FBRSL1: variants seen among roughly 807,000 people sequenced by gnomAD.
FBRSL1 encodes fibrosin like 1.
FBRSL1 carries 51 observed loss-of-function variants against 89.6 expected under a neutral mutation model. That is an observed-to-expected ratio of 0.57 (90% CI 0.45 to 0.72). FBRSL1 has a LOEUF of 0.72. Among genes scored for constraint, FBRSL1 ranks in the 30% least tolerant of loss-of-function variants. The probability of loss-of-function intolerance (pLI) is 0.00; values close to 1 mark genes in which losing one functional copy is unlikely to be tolerated. For missense variants in FBRSL1, 1,618 were observed against 1,451.8 expected, an observed-to-expected ratio of 1.11 and a Z score of -1.86; for synonymous variants, 779 against 681.1, an observed-to-expected ratio of 1.14 and a Z score of -2.24.
At chr12:132,536,925 A>C (rs1414021023) in intron 4 of FBRSL1, among the ~76,000 whole-genome samples, 1 of 152,230 alleles carries the variant, frequency 6.6e-6, no homozygotes, top group Non-Finnish European at 1.5e-5. Context: ...GCATGCATGT[A>C]TATGTGATCA....
intron 1 of FBRSL1, among the ~76,000 whole-genome samples, chr12:132,501,369 G>A (rs1038769344): frequency 2.3e-4 from 35 of 152,294 alleles, no homozygotes; most frequent in African/African-American, 8.4e-4. Flanking sequence ...GGCCCGGGCC[G>A]CCCTCCCCAT....
At chr12:132,576,701 C>G in intron 14 of FBRSL1, 98 bp from the exon 15 acceptor site, 1 of 1,368,660 alleles carries the variant, frequency 7.3e-7, no homozygotes, top group Admixed American at 2.6e-5. Context: ...CCTTACTGGA[C>G]TGGCTCACAC....
chr12:132,564,828 A>C (rs1014644401), intron 5 of FBRSL1, among the ~76,000 whole-genome samples: 4 of 150,010 alleles, frequency 2.7e-5, no homozygotes, highest in African/African-American at 9.9e-5. Context: ...ACGGGGTTTC[A>C]CCGTGTTGGC....
intron 2 of FBRSL1, chr12:132,509,590 T>TGCGGTCCCTCCTGGCCCC: frequency 8.1e-7 from 1 of 1,232,012 alleles, no homozygotes; most frequent in Non-Finnish European, 1.0e-6. Flanking sequence ...TGCCGGCGCC[T>TGCGGTCCCTCCTGGCCCC]GCGGTCCCTC....
At chr12:132,521,757 C>T (rs1293413760) in intron 2 of FBRSL1, among the ~76,000 whole-genome samples, 1 of 152,324 alleles carries the variant, frequency 6.6e-6, no homozygotes, top group East Asian at 1.9e-4. Context: ...CCATTCCCAC[C>T]GTGCCGTATG....
rs146675292 is a variant in FBRSL1 at position 132,579,833 on chromosome 12, G to A, written c.1835-1606G>A. On this transcript the variant is annotated intron_variant, in intron 15 of 18. Transcript: ENST00000680143. ...TCCTCACTGCCTTCAAGGCTTGGAG[G>A]CTCACAGTTCAGGTTCCAAGTACTG... is the stretch of plus-strand genomic sequence containing the variant. 3.5e-3 allele frequency among the ~76,000 whole-genome samples: 533 copies of A among 152,320 alleles called. 3 individuals are homozygous for A. The highest frequency in any genetic ancestry group is 0.012 in the African/African-American group (498 of 41,570).
intron 4 of FBRSL1, among the ~76,000 whole-genome samples, chr12:132,537,073 CTG>C (rs1211738094): frequency 6.6e-6 from 1 of 152,138 alleles, no homozygotes; most frequent in Admixed American, 6.5e-5. Context: ...AACCCCCTTG[CTG>C]TGTGGAGACA....
chr12:132,581,267 G>A (rs1159359361), intron 15 of FBRSL1, 172 bp from the exon 16 acceptor site: 3 of 985,208 alleles, frequency 3.0e-6, no homozygotes, highest in Admixed American at 1.2e-4. Context: ...CGAATTGTGG[G>A]GTAGATTCCA....
At chr12:132,508,742 C>T (rs531155411) in intron 2 of FBRSL1, among the ~76,000 whole-genome samples, 4 of 152,372 alleles carry the variant, frequency 2.6e-5, no homozygotes, top group Non-Finnish European at 4.4e-5. Context: ...CTGTCCTGTC[C>T]ACACGCAGCG....
intron 10 of FBRSL1, 80 bp downstream of exon 10, chr12:132,572,424 C>T (rs911562994): frequency 1.4e-5 from 21 of 1,504,598 alleles, no homozygotes; most frequent in South Asian, 4.8e-5. Context: ...GGCTGCCCCT[C>T]GCCTGGCCTC....
At chr12:132,582,036 T>G in intron 17 of FBRSL1, 26 bp from the exon 18 acceptor site, 2 of 1,525,278 alleles carry the variant, frequency 1.3e-6, no homozygotes, top group Non-Finnish European at 1.8e-6. Context: ...AGACCCAACC[T>G]CATGCTCCCC....
At chr12:132,551,321 C>T in intron 5 of FBRSL1, 1 of 442,012 alleles carries the variant, frequency 2.3e-6, no homozygotes, top group Non-Finnish European at 4.6e-6. Context: ...CCATTGCTCA[C>T]ATGGCCTGGC....
In FBRSL1 at chr12:132,550,510, G is replaced by C. The variant is rs576314993; in HGVS notation, c.645+2478G>C. 2.9e-4 allele frequency among the ~76,000 whole-genome samples: 44 copies of C among 152,108 alleles called. No individual in the cohort carries two copies. The South Asian group carries it at 8.9e-3, about 31-fold the overall frequency. ...GGAGGCTGCTCGGGGAGAGCAGCAG[G>C]GTGGGCCAGGAAAACTGCAGGGGCC... On this transcript the variant is annotated intron_variant, in intron 5 of 18. Coordinates refer to ENST00000680143, the MANE Select transcript of FBRSL1 (RefSeq NM_001367871.1).
At chr12:132,549,433 C>T (rs2137356580) in intron 5 of FBRSL1, among the ~76,000 whole-genome samples, 1 of 152,344 alleles carries the variant, frequency 6.6e-6, no homozygotes, top group East Asian at 1.9e-4. Context: ...ACGGGCCTAA[C>T]ATTTCAGATG....
intron 1 of FBRSL1, among the ~76,000 whole-genome samples, chr12:132,500,716 C>T (rs1236310074): frequency 2.6e-5 from 4 of 152,210 alleles, no homozygotes; most frequent in African/African-American, 9.7e-5. Flanking sequence ...CTGCAGACTC[C>T]GTCCAGCCCG....
rs112579628 is a variant in FBRSL1, at chr12:132,569,013, T to G, written c.692-913T>G. ...AAGGCCTCAGGAAGGAAGCAGGGTC[T>G]GCCGGGGACGTGAACAGGAGGCATG... On this transcript the variant is annotated intron_variant, in intron 6 of 18. Coordinates refer to ENST00000680143, the MANE Select transcript of FBRSL1 (RefSeq NM_001367871.1). Among the ~76,000 whole-genome samples the G allele has an allele frequency of 2.2e-3, 328 of 152,230 alleles. 1 individual carries two copies. The highest frequency in any genetic ancestry group is 7.2e-3 in the African/African-American group (300 of 41,552).
chr12:132,511,998 A>G, intron 2 of FBRSL1: 1 of 985,444 alleles, frequency 1.0e-6, no homozygotes, highest in African/African-American at 1.7e-5. Context: ...GTCTTACGTG[A>G]TTTATTCCCA....
intron 5 of FBRSL1, among the ~76,000 whole-genome samples, chr12:132,564,630 G>A (rs2039439972): frequency 8.0e-6 from 1 of 125,254 alleles, no homozygotes; most frequent in Non-Finnish European, 1.6e-5. Flanking sequence ...CGAGTAGCTG[G>A]GACTACAGGC....
intron 5 of FBRSL1, among the ~76,000 whole-genome samples, chr12:132,561,595 G>T (rs961538434): frequency 1.3e-5 from 2 of 151,976 alleles, no homozygotes; most frequent in African/African-American, 4.8e-5. Context: ...CTCAGCACCC[G>T]CCTCCTTCCT....
Sources: allele counts gnomAD v4.1 joint callset (sites outside exome capture counted in the v4.1 genomes callset), GRCh38; gene constraint gnomAD v4.1.1; transcripts MANE v1.5; gene names NCBI Gene and HGNC (gene_info 2026-07-23, HGNC 2026-07-21).